Variants in COL8A1 observed in about 807,000 individuals in gnomAD.
The protein encoded by COL8A1 is collagen alpha-1(VIII) chain.
In COL8A1, 21 loss-of-function variants were observed where a neutral mutation model predicts 42.7. The observed-to-expected ratio is 0.49, with a 90% confidence interval of 0.35 to 0.71. The LOEUF (loss-of-function observed/expected upper bound fraction) is 0.71, where lower values mean the gene tolerates loss of function less well. Among genes scored for constraint, COL8A1 ranks in the 30% least tolerant of loss-of-function variants. The pLI is 0.01. For synonymous variants in COL8A1, 367 were observed against 369.1 expected (o/e 0.99, Z 0.06); for missense variants, 788 against 962.4 (o/e 0.82, Z 2.40).
intron 1 of COL8A1, among the ~76,000 whole-genome samples, chr3:99,654,024 C>T (rs1445649234): frequency 1.3e-5 from 2 of 152,150 alleles, no homozygotes; most frequent in African/African-American, 2.4e-5. Context: ...GACAGTGCAG[C>T]CTTCAGTCTG....
chr3:99,761,670 A>G (rs991193164), intron 2 of COL8A1, among the ~76,000 whole-genome samples: 1 of 152,156 alleles, frequency 6.6e-6, no homozygotes, highest in African/African-American at 2.4e-5. Flanking sequence ...CAGGAACAAT[A>G]AGGGGACAAA....
At position 99,795,960 on chromosome 3, in the gene COL8A1, T is replaced by C; in HGVS notation, c.2059T>C (p.Tyr687His). Residue 687 changes from tyrosine (Y) to histidine (H), a missense_variant, in exon 4 of 4, where the codon TAC (tyrosine) becomes CAC (histidine). Around this residue, in one of 4 missense-constraint regions of COL8A1, gnomAD observed 212 missense variants for 210.9 expected, o/e 1.00. Coordinates refer to ENST00000652472, the MANE Select transcript of COL8A1 (RefSeq NM_020351.4). ...ALFKNNEPVM[Y>H]TYDEYKKGFL... The stretch of plus-strand genomic sequence containing the variant: ...ATTCAAGAACAACGAGCCCGTGATG[T>C]ACACGTACGACGAGTACAAAAAGGG... 1 of 1,614,142 alleles carries C rather than the reference T, an allele frequency of 6.2e-7. No individual in the cohort carries two copies. Among genetic ancestry groups the C allele is most frequent in the Admixed American group, 1.7e-5 (1 of 60,026 alleles).
At chr3:99,743,767 G>C (rs909151739) in intron 1 of COL8A1, among the ~76,000 whole-genome samples, 3 of 152,150 alleles carry the variant, frequency 2.0e-5, no homozygotes, top group Non-Finnish European at 4.4e-5. Flanking sequence ...TTATTGGACA[G>C]TACTACTCTA....
At chr3:99,697,233 G>C (rs897950358) in intron 1 of COL8A1, among the ~76,000 whole-genome samples, 3 of 151,780 alleles carry the variant, frequency 2.0e-5, no homozygotes, top group Non-Finnish European at 4.4e-5. Flanking sequence ...TGATCCGCCC[G>C]CCTCGGCCTC....
chr3:99,639,607 A>C (rs1937464592), intron 1 of COL8A1, among the ~76,000 whole-genome samples: 1 of 152,260 alleles, frequency 6.6e-6, no homozygotes, highest in Non-Finnish European at 1.5e-5. Flanking sequence ...TCTTTAAAAG[A>C]AAATGATCTC....
intron 1 of COL8A1, among the ~76,000 whole-genome samples, chr3:99,726,034 A>G (rs1016500198): frequency 1.3e-5 from 2 of 152,030 alleles, no homozygotes; most frequent in African/African-American, 2.4e-5. Flanking sequence ...CTCACCAGCA[A>G]TGTAAAAGTG....
At chr3:99,780,178 A>C (rs1458714269) in intron 2 of COL8A1, among the ~76,000 whole-genome samples, 1 of 151,638 alleles carries the variant, frequency 6.6e-6, no homozygotes, top group Non-Finnish European at 1.5e-5. Flanking sequence ...TTATTGTATT[A>C]ATTCCCTTAA....
chr3:99,646,116 G>A (rs1184465799), intron 1 of COL8A1, among the ~76,000 whole-genome samples: 3 of 152,184 alleles, frequency 2.0e-5, no homozygotes, highest in Non-Finnish European at 4.4e-5. Flanking sequence ...ATACCTTTCT[G>A]TTGAACATTT....
chr3:99,790,589 C>T, intron 2 of COL8A1, 91 bp from the exon 3 acceptor site: 1 of 975,898 alleles, frequency 1.0e-6, no homozygotes, highest in Non-Finnish European at 1.5e-6. Context: ...AAGACTGTTT[C>T]CCTTTTTTTT....
intron 1 of COL8A1, among the ~76,000 whole-genome samples, chr3:99,724,767 A>G (rs1346748330): frequency 6.6e-6 from 1 of 151,988 alleles, no homozygotes; most frequent in Non-Finnish European, 1.5e-5. Context: ...ATTGATGAAA[A>G]CCTGTTTCTC....
At chr3:99,699,407 A>G (rs1559782540) in intron 1 of COL8A1, among the ~76,000 whole-genome samples, 6 of 152,192 alleles carry the variant, frequency 3.9e-5, no homozygotes, top group Admixed American at 2.0e-4. Context: ...GAGGGACTAA[A>G]TCTGTCCACC....
rs1429946973 is a variant in COL8A1 at position 99,795,339 on chromosome 3, G to A, written c.1438G>A (p.Gly480Arg). Residue 480 changes from glycine to arginine, a missense_variant, in exon 4 of 4, where the codon GGA (glycine) becomes AGA (arginine). By Grantham distance (125) the Gly-to-Arg change is moderately radical. Transcript: ENST00000652472. The part of the protein sequence containing the change: ...PGLPGVPGLL[G>R]PKGEPGIPGD... ...ACTCCCTGGTGTTCCAGGGCTTCTC[G>A]GACCTAAGGGAGAGCCAGGAATCCC... 17 of 1,595,770 alleles carry A rather than the reference G, an allele frequency of 1.1e-5. No individual in the cohort carries two copies. The highest frequency in any genetic ancestry group is 1.7e-4 in the Middle Eastern group (1 of 6,050).
intron 2 of COL8A1, among the ~76,000 whole-genome samples, chr3:99,757,994 T>C (rs1236588496): frequency 2.6e-5 from 4 of 152,226 alleles, no homozygotes; most frequent in East Asian, 3.9e-4. Context: ...TTCTTTTAGG[T>C]TGATACCAAA....
chr3:99,722,262 GAGAATTAC>G (rs1437520827), intron 1 of COL8A1, among the ~76,000 whole-genome samples: 1 of 152,072 alleles, frequency 6.6e-6, no homozygotes, highest in East Asian at 1.9e-4. Flanking sequence ...AAGAGAGGTT[GAGAATTAC>G]AGACTCCTTT....
chr3:99,788,552 T>C (rs970398853), intron 2 of COL8A1, among the ~76,000 whole-genome samples: 1 of 152,080 alleles, frequency 6.6e-6, no homozygotes, highest in Non-Finnish European at 1.5e-5. Context: ...TACCAGATAT[T>C]ACCACACATT....
intron 1 of COL8A1, among the ~76,000 whole-genome samples, chr3:99,698,992 C>T (rs895606858): frequency 6.6e-6 from 1 of 152,110 alleles, no homozygotes; most frequent in African/African-American, 2.4e-5. Context: ...TAGAGAAGGA[C>T]CACCAAAATG....
chr3:99,688,756 G>A (rs369726768), intron 1 of COL8A1, among the ~76,000 whole-genome samples: 2 of 152,088 alleles, frequency 1.3e-5, no homozygotes, highest in Non-Finnish European at 2.9e-5. Flanking sequence ...CAGTGAGCCC[G>A]TGTGATTGAG....
At chr3:99,725,984 C>A (rs1487792231) in intron 1 of COL8A1, among the ~76,000 whole-genome samples, 1 of 152,140 alleles carries the variant, frequency 6.6e-6, no homozygotes, top group East Asian at 1.9e-4. Flanking sequence ...CTTGAGGAAT[C>A]GCCACACTAA....
chr3:99,752,356 TTAG>T (rs1423119959), intron 2 of COL8A1, among the ~76,000 whole-genome samples: 3 of 152,164 alleles, frequency 2.0e-5, no homozygotes, highest in African/African-American at 7.2e-5. Context: ...GTCCCAGCTA[TTAG>T]TAGTAGTGGT....
Sources: gnomAD v4.1 joint callset for allele counts (sites outside exome capture counted in the v4.1 genomes callset) on GRCh38, gnomAD v4.1.1 for gene constraint, gnomAD v4.1.1 regional missense constraint, MANE v1.5 for transcripts, NCBI Gene and HGNC (gene_info 2026-07-23, HGNC 2026-07-21) for gene names.